The following PRKAR2A variants were observed in gnomAD, a reference collection of about 807,000 sequenced individuals.
PRKAR2A encodes the protein cAMP-dependent protein kinase type II-alpha regulatory subunit.
PRKAR2A carries 29 observed loss-of-function variants against 51.9 expected under a neutral mutation model. That is an observed-to-expected ratio of 0.56 (90% CI 0.42 to 0.76). The LOEUF (loss-of-function observed/expected upper bound fraction) is 0.76. Among genes scored for constraint, PRKAR2A ranks in the 30% least tolerant of loss-of-function variants. The probability of loss-of-function intolerance (pLI) is 0.00; values close to 1 mark genes in which losing one functional copy is unlikely to be tolerated. For missense variants in PRKAR2A, 445 were observed against 512.1 expected (o/e 0.87, Z 1.26); for synonymous variants, 178 against 186.2 (o/e 0.96, Z 0.36).
At chr3:48,759,650 G>T (rs1027790678) in intron 8 of PRKAR2A, among the ~76,000 whole-genome samples, 10 of 152,172 alleles carry the variant, frequency 6.6e-5, no homozygotes, top group Non-Finnish European at 1.5e-4. Context: ...GCCTCCCTAA[G>T]TGCTGGGATT....
chr3:48,839,060 G>C (rs2083334337), intron 1 of PRKAR2A, among the ~76,000 whole-genome samples: 1 of 152,080 alleles, frequency 6.6e-6, no homozygotes, highest in South Asian at 2.1e-4. Flanking sequence ...GGCCGAGGCA[G>C]ACAGATCACC....
chr3:48,815,014 T>C (rs1309585972), intron 1 of PRKAR2A, among the ~76,000 whole-genome samples: 4 of 152,006 alleles, frequency 2.6e-5, no homozygotes, highest in African/African-American at 4.8e-5. Flanking sequence ...CAGGTTCAAG[T>C]GATTCTCCCA....
chr3:48,768,905 C>T (rs962338576), intron 6 of PRKAR2A, among the ~76,000 whole-genome samples: 54 of 151,960 alleles, frequency 3.6e-4, no homozygotes, highest in African/African-American at 1.2e-3. Flanking sequence ...TCGAAACCAG[C>T]CTAGCCAACA....
intron 1 of PRKAR2A, among the ~76,000 whole-genome samples, chr3:48,831,030 C>T (rs1035458726): frequency 1.3e-5 from 2 of 152,154 alleles, no homozygotes; most frequent in African/African-American, 4.8e-5. Context: ...TCCTGCTGTG[C>T]GGCCCAGTTC....
rs562906378 is a variant in PRKAR2A at position 48,847,249 on chromosome 3, T to A, written c.262+86A>T. ...AATCCCAGCCTGCGGTCGGCTTGGC[T>A]GCGGCGCGACACCTGGCTCCCTGCC... On this transcript the variant is annotated intron_variant, in intron 1 of 10. Transcript: ENST00000265563. The surrounding 1 kb of genome is among the most constrained non-coding windows in gnomAD (Gnocchi z 4.4). 6.7e-7 allele frequency: 1 copy of A among 1,492,074 alleles called. No individual in the cohort carries two copies. Among genetic ancestry groups the A allele is most frequent in the Non-Finnish European group, 9.0e-7 (1 of 1,109,292 alleles). The allele number at this position is 1,492,074 out of a possible 1,614,324, so 92.4% of individuals were successfully genotyped here.
rs182103767 is a variant in PRKAR2A at position 48,799,856 on chromosome 3, G to C, written c.299-5807C>G. ...AGTTGGGCTTTTTTTGACAAAGAAG[G>C]TTTTTATTTGTTTTGTTTTTTGAGA... On this transcript the variant is annotated intron_variant, in intron 2 of 10. Transcript: ENST00000265563. Among the ~76,000 whole-genome samples, 4 of 152,202 alleles carry C rather than the reference G, an allele frequency of 2.6e-5. No individual in the cohort carries two copies. In the East Asian group the frequency reaches 7.8e-4, roughly 29 times the overall value.
intron 8 of PRKAR2A, among the ~76,000 whole-genome samples, chr3:48,760,543 C>A (rs147284412): frequency 6.6e-6 from 1 of 151,340 alleles, no homozygotes; most frequent in Non-Finnish European, 1.5e-5. Flanking sequence ...GGGTGTAGGC[C>A]GGGCGCAGTG....
chr3:48,760,750 G>A (rs1207240895), intron 8 of PRKAR2A, among the ~76,000 whole-genome samples: 3 of 150,400 alleles, frequency 2.0e-5, no homozygotes, highest in African/African-American at 4.9e-5. Context: ...CAGGAGAATC[G>A]CTTGAACACA....
At chr3:48,843,995 T>C (rs1408149596) in intron 1 of PRKAR2A, among the ~76,000 whole-genome samples, 15 of 149,066 alleles carry the variant, frequency 1.0e-4, no homozygotes, top group African/African-American at 3.7e-4. Context: ...TGGGATCTAA[T>C]TAAACTAAAG....
At chr3:48,764,343 T>A (rs1370532916) in intron 8 of PRKAR2A, among the ~76,000 whole-genome samples, 1 of 152,196 alleles carries the variant, frequency 6.6e-6, no homozygotes, top group Non-Finnish European at 1.5e-5. Flanking sequence ...TTGTGTTAGA[T>A]TAGCCAAAAG....
Position 48,811,581 on chromosome 3 carries a change from C to T in PRKAR2A, c.263-3897G>A, listed in dbSNP as rs777634206. Among the ~76,000 whole-genome samples, 11 of 152,216 alleles carry T rather than the reference C, an allele frequency of 7.2e-5. 1 individual carries two copies. Among genetic ancestry groups the T allele is most frequent in the Admixed American group, 2.6e-4 (4 of 15,276 alleles). ...AAAAAAATCACATATTGTATGATTT[C>T]TTTTATATGCAATATCCAGAATAGT... On this transcript the variant is annotated intron_variant, in intron 1 of 10. Coordinates refer to ENST00000265563, the MANE Select transcript of PRKAR2A (RefSeq NM_004157.4).
intron 9 of PRKAR2A, among the ~76,000 whole-genome samples, chr3:48,752,982 G>C (rs932371187): frequency 1.6e-5 from 2 of 128,310 alleles, no homozygotes; most frequent in African/African-American, 5.9e-5. Flanking sequence ...GCCCAGGCTG[G>C]AGTGCAGTGG....
intron 8 of PRKAR2A, among the ~76,000 whole-genome samples, chr3:48,757,294 T>C (rs1264046935): frequency 6.6e-6 from 1 of 152,200 alleles, no homozygotes; most frequent in Non-Finnish European, 1.5e-5. Flanking sequence ...TTTAAAGTGG[T>C]CACATTTCAA....
chr3:48,796,508 C>G (rs1170831671), intron 2 of PRKAR2A, among the ~76,000 whole-genome samples: 1 of 152,056 alleles, frequency 6.6e-6, no homozygotes, highest in African/African-American at 2.4e-5. Context: ...GCCCCGCCCG[C>G]TCCCAAGACA....
At chr3:48,810,783 G>A (rs1455268186) in intron 1 of PRKAR2A, among the ~76,000 whole-genome samples, 1 of 151,958 alleles carries the variant, frequency 6.6e-6, no homozygotes, top group Non-Finnish European at 1.5e-5. Flanking sequence ...TATTCAAAAG[G>A]GAGAAACAAA....
intron 2 of PRKAR2A, among the ~76,000 whole-genome samples, chr3:48,804,163 A>T (rs2082633670): frequency 6.6e-6 from 1 of 152,102 alleles, no homozygotes; most frequent in African/African-American, 2.4e-5. Flanking sequence ...CAAAGCAAAT[A>T]AAAAGGGAAA....
At chr3:48,845,766 G>A (rs1420038038) in intron 1 of PRKAR2A, among the ~76,000 whole-genome samples, 4 of 152,078 alleles carry the variant, frequency 2.6e-5, no homozygotes, top group Non-Finnish European at 4.4e-5. Flanking sequence ...GGGCAACACA[G>A]GGAGACCCCG....
intron 5 of PRKAR2A, among the ~76,000 whole-genome samples, chr3:48,780,950 A>C (rs1206679757): frequency 6.6e-6 from 1 of 152,070 alleles, no homozygotes; most frequent in Non-Finnish European, 1.5e-5. Flanking sequence ...GGGGCATTAT[A>C]TGTGCAACTT....
In PRKAR2A at chr3:48,847,481, C is replaced by A; in HGVS notation, c.116G>T (p.Arg39Leu). The A allele has an allele frequency of 1.3e-6, 2 of 1,558,364 alleles. No homozygotes were observed. The highest frequency in any genetic ancestry group is 1.9e-5 in the Admixed American group (1 of 51,824). ...GGCTGGGGCGCGGGCCTCGCGCAGG[C>A]GGGTGAAGTACTCCACTGCGAATTC... ...LVEFAVEYFT[R>L]LREARAPASV... is the part of the protein sequence containing the mutation. The change falls in exon 1 of 11, where the codon CGC becomes CTC. Residue 39 changes from arginine to leucine, a missense_variant. Coordinates refer to ENST00000265563, the MANE Select transcript of PRKAR2A (RefSeq NM_004157.4). The surrounding 1 kb of genome is among the most constrained non-coding windows in gnomAD (Gnocchi z 4.4).
Sources: gnomAD v4.1 joint callset for allele counts (sites outside exome capture counted in the v4.1 genomes callset) on GRCh38, gnomAD v4.1.1 for gene constraint, Gnocchi (gnomAD v3.1) non-coding constraint, MANE v1.5 for transcripts, NCBI Gene and HGNC (gene_info 2026-07-23, HGNC 2026-07-21) for gene names.